The following CABP5 variants were observed in gnomAD, a reference collection of about 807,000 sequenced individuals.
CABP5 encodes calcium binding protein 5.
CABP5 carries 17 observed loss-of-function variants against 21.9 expected under a neutral mutation model. That is an observed-to-expected ratio of 0.78 (90% confidence interval 0.53 to 1.17). CABP5 has a LOEUF of 1.17. Among genes scored for constraint, CABP5 ranks in the 50% most tolerant of loss-of-function variants. CABP5 has a pLI of 0.00. For synonymous variants in CABP5, 85 were observed against 79.4 expected (o/e 1.07, Z -0.37); for missense variants, 229 against 228.9 (o/e 1.00, Z 0.00).
rs748069127 is a variant in CABP5 at position 48,043,956 on chromosome 19, C to G, written c.-34G>C. 6.7e-7 allele frequency: 1 copy of G among 1,498,518 alleles called. No homozygotes were observed. The highest frequency in any genetic ancestry group is 8.9e-7 in the Non-Finnish European group (1 of 1,126,944). The allele number at this position is 1,498,518 out of a possible 1,614,324, so 92.8% of individuals were successfully genotyped here. A position where few individuals can be genotyped will look rare whatever the true frequency, so the allele number is the denominator to read the frequency against. On this transcript the variant is annotated 5_prime_UTR_variant, in exon 1 of 6. Coordinates refer to ENST00000293255, the MANE Select transcript of CABP5 (RefSeq NM_019855.5). ...GGGGTGGAGCTCGCAGGGCACCAGT[C>G]TCAAGATGGCCCCTCCTCCCTGCTC...
Position 48,040,802 on chromosome 19 carries a change from T to A in CABP5, c.95-54A>T. 3 of 1,576,832 alleles carry A rather than the reference T, an allele frequency of 1.9e-6. 1 individual carries two copies. Among genetic ancestry groups the A allele is most frequent in the Middle Eastern group, 3.4e-4 (2 of 5,948 alleles). On this transcript the variant is annotated intron_variant, in intron 2 of 5. Transcript: ENST00000293255. The stretch of plus-strand genomic sequence containing the variant: ...ACTTGAAGCAGTCAGTGGGGAAGAG[T>A]GGCATCTCTTGAAGCTATCAATGAG...
intron 4 of CABP5, among the ~76,000 whole-genome samples, chr19:48,035,743 G>A (rs773067138): frequency 6.6e-6 from 1 of 152,262 alleles, no homozygotes; most frequent in Non-Finnish European, 1.5e-5. Context: ...AGTGGGGAGT[G>A]TTTAGGGAGG....
Position 48,039,322 on chromosome 19 carries a change from G to A in CABP5, c.239-5C>T. 6.2e-7 allele frequency: 1 copy of A among 1,611,306 alleles called. No homozygotes were observed. Among genetic ancestry groups the A allele is most frequent in the Non-Finnish European group, 8.5e-7 (1 of 1,177,470 alleles). On this transcript the variant is annotated splice_polypyrimidine_tract_variant and splice_region_variant and intron_variant, in intron 3 of 5. Coordinates refer to ENST00000293255, the MANE Select transcript of CABP5 (RefSeq NM_019855.5). ...CAAAGTCTACACGGCCACCCACTGA[G>A]GAAGATGGCACAGGATTAGCGAGAC...
chr19:48,031,470 G>A (rs1474413773), intron 5 of CABP5, among the ~76,000 whole-genome samples: 4 of 152,176 alleles, frequency 2.6e-5, no homozygotes, highest in African/African-American at 9.7e-5. Context: ...AACCCAGGAG[G>A]TGGAGGTTGC....
Position 48,034,186 on chromosome 19 carries a change from C to T in CABP5, c.496+29G>A, listed in dbSNP as rs374358699. The T allele has an allele frequency of 3.4e-4, 513 of 1,504,290 alleles. 10 individuals carry two copies. In the South Asian group the frequency reaches 6.1e-3, roughly 18 times the overall value. 93.2% of individuals were successfully genotyped at this position (1,504,290 alleles called of 1,614,324 possible). ...AGTGGATTCCTGCGGTGGCTGCCCC[C>T]GCTCCCCACCACGCCCCGTCAATGT... On this transcript the variant is annotated intron_variant, in intron 5 of 5. Coordinates refer to ENST00000293255, the MANE Select transcript of CABP5 (RefSeq NM_019855.5).
chr19:48,040,348 C>G (rs890425174), intron 3 of CABP5, among the ~76,000 whole-genome samples: 2 of 152,124 alleles, frequency 1.3e-5, no homozygotes, highest in Admixed American at 1.3e-4. Flanking sequence ...TGAAGAGTAG[C>G]GGATAACTTC....
chr19:48,030,811 T>G (rs1171096), intron 5 of CABP5, among the ~76,000 whole-genome samples: 49,431 of 151,726 alleles, frequency 0.33, 8,385 homozygotes, highest in Non-Finnish European at 0.36. Context: ...GTTTAATAGA[T>G]CTACCTCATG....
chr19:48,031,723 G>T (rs1045254954), intron 5 of CABP5, among the ~76,000 whole-genome samples: 7 of 152,072 alleles, frequency 4.6e-5, no homozygotes, highest in African/African-American at 1.7e-4. Flanking sequence ...ACCTGACTTT[G>T]CTGTGGCTCA....
rs768485262 is a variant in CABP5, at chr19:48,043,943, G to A, written c.-21C>T. 5.6e-5 allele frequency: 84 copies of A among 1,504,866 alleles called. No homozygotes were observed. Among genetic ancestry groups the A allele is most frequent in the Admixed American group, 3.2e-4 (12 of 37,966 alleles). 93.2% of individuals were successfully genotyped at this position (1,504,866 alleles called of 1,614,324 possible). On this transcript the variant is annotated 5_prime_UTR_variant, in exon 1 of 6. Coordinates refer to ENST00000293255, the MANE Select transcript of CABP5 (RefSeq NM_019855.5). ...TGCATGGAGGGGTGGGGTGGAGCTC[G>A]CAGGGCACCAGTCTCAAGATGGCCC...
intron 3 of CABP5, among the ~76,000 whole-genome samples, chr19:48,039,759 G>C (rs911179103): frequency 1.2e-4 from 14 of 117,928 alleles, no homozygotes; most frequent in South Asian, 6.0e-4. Context: ...TGTTGCCAAG[G>C]CTGGAGTGCA....
chr19:48,030,311 C>T lies in CABP5; in HGVS notation c.*246G>A, dbSNP rs987792252. 6.8e-6 allele frequency: 3 copies of T among 439,430 alleles called. No individual in the cohort carries two copies. In the East Asian group the frequency reaches 1.1e-4, roughly 16 times the overall value. The allele number at this position is 439,430 out of a possible 1,614,324, so 27.2% of individuals were successfully genotyped here. On this transcript the variant is annotated 3_prime_UTR_variant, in exon 6 of 6. Coordinates refer to ENST00000293255, the MANE Select transcript of CABP5 (RefSeq NM_019855.5). ...GAATTTTTGGGGGTGGCAACTGGAC[C>T]CTCCCACGCTTCCTATTTCCATCCA...
chr19:48,039,265 C>G lies in CABP5; in HGVS notation c.291G>C (p.Leu97Phe). ...DDFVELMTPK[L>F]LAETAGMIGV... The stretch of plus-strand genomic sequence containing the variant: ...CGATCATCCCAGCTGTTTCTGCAAG[C>G]AATTTGGGGGTCATCAGCTCCACAA... Residue 97 changes from leucine (L) to phenylalanine (F), a missense_variant, in exon 4 of 6, where the codon TTG becomes TTC. By Grantham distance (22) the Leu-to-Phe change is conservative (BLOSUM62 0). Coordinates refer to ENST00000293255, the MANE Select transcript of CABP5 (RefSeq NM_019855.5). 2 of 1,614,164 alleles carry G rather than the reference C, an allele frequency of 1.2e-6. No individual in the cohort carries two copies. Among genetic ancestry groups the G allele is most frequent in the Non-Finnish European group, 1.7e-6 (2 of 1,180,034 alleles).
At position 48,038,644 on chromosome 19, in the gene CABP5, T is replaced by A. The variant is rs138124949; in HGVS notation, c.348+564A>T. On this transcript the variant is annotated intron_variant, in intron 4 of 5. Transcript: ENST00000293255. ...GAGTTCGAGACCAGCCTGGTCAACA[T>A]GGTGAAACCCCGTCTCTACGAAAAA... 6.9e-3 allele frequency among the ~76,000 whole-genome samples: 1,052 copies of A among 152,218 alleles called. 14 individuals carry two copies. Among genetic ancestry groups the A allele is most frequent in the African/African-American group, 0.024 (1,002 of 41,516 alleles).
chr19:48,040,804 G>C, intron 2 of CABP5, 56 bp from the exon 3 acceptor site: 5 of 1,577,422 alleles, frequency 3.2e-6, no homozygotes, highest in Non-Finnish European at 4.4e-6. Flanking sequence ...GGGAAGAGTG[G>C]CATCTCTTGA....
rs370971391 is a variant in CABP5 at position 48,043,902 on chromosome 19, G to A, written c.21C>T (p.Pro7=). 36 of 1,498,754 alleles carry A rather than the reference G, an allele frequency of 2.4e-5. No homozygotes were observed. The highest frequency in any genetic ancestry group is 1.3e-4 in the South Asian group (10 of 75,512). The allele number at this position is 1,498,754 out of a possible 1,614,324, so 92.8% of individuals were successfully genotyped here. The change falls in exon 1 of 6, where the codon CCC becomes CCT. Residue 7 remains proline, a synonymous_variant. Coordinates refer to ENST00000293255, the MANE Select transcript of CABP5 (RefSeq NM_019855.5). MQFPMG[P]ACIFLRKGIA... is the part of the protein sequence containing the mutation. ...TGCCTTTCCTCAAGAAGATGCAGGC[G>A]GGGCCCATGGGGAACTGCATGGAGG...
At position 48,029,836 on chromosome 19, in the gene CABP5, G is replaced by GAGAGAGAGAGAGAA. The variant is rs1312190085; in HGVS notation, c.*720_*721insTTCTCTCTCTCTCT. ...AGAGAGAGAGAGAGAGAGAGAGAGA[G>GAGAGAGAGAGAGAA]AAACCAGACAGTGCTTCCAGGAAAT... is the stretch of plus-strand genomic sequence containing the variant. On this transcript the variant is annotated 3_prime_UTR_variant, in exon 6 of 6. Transcript: ENST00000293255. 2 of 146,778 alleles carry GAGAGAGAGAGAGAA rather than the reference G, an allele frequency of 1.4e-5. No homozygotes were observed. The highest frequency in any genetic ancestry group is 3.0e-5 in the Non-Finnish European group (2 of 66,368). 9.1% of individuals were successfully genotyped at this position (146,778 alleles called of 1,614,324 possible). A position where few individuals can be genotyped will look rare whatever the true frequency, so the allele number is the denominator to read the frequency against.
At position 48,030,519 on chromosome 19, in the gene CABP5, T is replaced by C. The variant is rs541010256; in HGVS notation, c.*38A>G. ...TTCTCCACAAGCGCTTGCTCCATGTTGACCAGGTGGAGAGGGTCTGGAGCT... is the reference window on the plus strand; with the variant it reads ...TTCTCCACAAGCGCTTGCTCCATGTCGACCAGGTGGAGAGGGTCTGGAGCT... On this transcript the variant is annotated 3_prime_UTR_variant, in exon 6 of 6. Transcript: ENST00000293255. 2.4e-5 allele frequency: 39 copies of C among 1,600,752 alleles called. No individual in the cohort carries two copies. The South Asian group carries it at 4.1e-4, about 17-fold the overall frequency.
intron 4 of CABP5, among the ~76,000 whole-genome samples, chr19:48,038,627 G>C (rs1332378766): frequency 6.6e-6 from 1 of 152,128 alleles, no homozygotes; most frequent in African/African-American, 2.4e-5. Context: ...AGGAGTTCGA[G>C]ACCAGCCTGG....
chr19:48,031,775 C>A (rs1371153795), intron 5 of CABP5, among the ~76,000 whole-genome samples: 1 of 152,010 alleles, frequency 6.6e-6, no homozygotes, highest in Non-Finnish European at 1.5e-5. Context: ...GTCATCCTGA[C>A]CTTCCCTTGC....
Sources: gnomAD v4.1 joint callset for allele counts (sites outside exome capture counted in the v4.1 genomes callset) on GRCh38, gnomAD v4.1.1 for gene constraint, MANE v1.5 for transcripts, NCBI Gene and HGNC (gene_info 2026-07-23, HGNC 2026-07-21) for gene names.